The following AFAP1 variants were observed in gnomAD, a reference collection of about 807,000 sequenced individuals.
AFAP1 encodes actin filament associated protein 1.
In AFAP1, 75 loss-of-function variants were observed where a neutral mutation model predicts 93.9. The ratio of observed to expected loss-of-function variants is 0.80; its 90% confidence interval spans 0.66 to 0.97. AFAP1 has a LOEUF of 0.97. Among genes scored for constraint, AFAP1 ranks in the 50% least tolerant of loss-of-function variants. The probability of loss-of-function intolerance (pLI) is 0.00; values close to 1 mark genes in which losing one functional copy is unlikely to be tolerated. For missense variants in AFAP1, 1,201 were observed against 1,050.8 expected (o/e 1.14, Z -1.98); for synonymous variants, 517 against 430.7 (o/e 1.20, Z -2.48).
At chr4:7,800,007 A>G (rs1718869663) in intron 10 of AFAP1, among the ~76,000 whole-genome samples, 1 of 152,216 alleles carries the variant, frequency 6.6e-6, no homozygotes, top group South Asian at 2.1e-4. Context: ...AAAGAAGTCC[A>G]GAACATTCCA....
At chr4:7,872,663 C>T (rs555246352) in intron 1 of AFAP1, among the ~76,000 whole-genome samples, 1 of 152,284 alleles carries the variant, frequency 6.6e-6, no homozygotes, top group Non-Finnish European at 1.5e-5. Context: ...CTGATATCCA[C>T]AAGACTGGAA....
chr4:7,909,328 G>C (rs1719601236), intron 1 of AFAP1, among the ~76,000 whole-genome samples: 1 of 152,190 alleles, frequency 6.6e-6, no homozygotes, highest in African/African-American at 2.4e-5. Context: ...AACCCAGGCA[G>C]CCTGACTCCA....
intron 5 of AFAP1, among the ~76,000 whole-genome samples, chr4:7,840,893 A>G (rs1712927013): frequency 2.0e-5 from 3 of 152,232 alleles, no homozygotes; most frequent in South Asian, 4.1e-4. Flanking sequence ...AACTGTACAT[A>G]TTTATGGGGT....
chr4:7,871,270 G>A (rs1162346769), intron 2 of AFAP1, among the ~76,000 whole-genome samples: 1 of 152,220 alleles, frequency 6.6e-6, no homozygotes, highest in Non-Finnish European at 1.5e-5. Context: ...TGGGAACGTG[G>A]ATTTCAGAAG....
At chr4:7,807,192 C>T (rs1263447124) in intron 9 of AFAP1, among the ~76,000 whole-genome samples, 5 of 120,980 alleles carry the variant, frequency 4.1e-5, no homozygotes, top group Admixed American at 3.1e-4. Context: ...CCTCCACTGA[C>T]CTGGAGCATT....
chr4:7,877,490 CAT>C (rs749569630), intron 1 of AFAP1, among the ~76,000 whole-genome samples: 40 of 152,234 alleles, frequency 2.6e-4, no homozygotes, highest in Admixed American at 1.6e-3. Flanking sequence ...TATATGAACT[CAT>C]GTGCTCTTCA....
rs547553867 is a variant in AFAP1 at position 7,771,967 on chromosome 4, C to T, written c.2253+853G>A. Among the ~76,000 whole-genome samples the T allele has an allele frequency of 2.5e-4, 38 of 152,276 alleles. No individual in the cohort carries two copies. The South Asian group carries it at 7.7e-3, about 31-fold the overall frequency. On this transcript the variant is annotated intron_variant, in intron 16 of 17. Coordinates refer to ENST00000420658, the MANE Select transcript of AFAP1 (RefSeq NM_001134647.2). ...GCAAGTGACTGAAACTCAGGGCTGC[C>T]GTCAACCCATAAATGTGTCAATCTT...
At chr4:7,893,707 T>C (rs1207665690) in intron 1 of AFAP1, among the ~76,000 whole-genome samples, 2 of 151,354 alleles carry the variant, frequency 1.3e-5, no homozygotes, top group Non-Finnish European at 2.9e-5. Context: ...CCACCGGGGG[T>C]TCTTGTTAAA....
intron 10 of AFAP1, chr4:7,798,945 T>G: frequency 1.0e-6 from 1 of 987,028 alleles, no homozygotes; most frequent in South Asian, 4.7e-5. Flanking sequence ...TTCTCAGATC[T>G]GCTGTCAGAG....
chr4:7,845,818 G>A (rs554744110), intron 4 of AFAP1, among the ~76,000 whole-genome samples: 3 of 152,262 alleles, frequency 2.0e-5, no homozygotes, highest in Non-Finnish European at 4.4e-5. Flanking sequence ...CATGTCAACT[G>A]GATACCGGGG....
intron 4 of AFAP1, among the ~76,000 whole-genome samples, chr4:7,853,470 C>G (rs1057436832): frequency 1.3e-5 from 2 of 152,114 alleles, no homozygotes; most frequent in African/African-American, 4.8e-5. Flanking sequence ...GTCACCTGTG[C>G]CATCAGGAGA....
At chr4:7,849,447 T>C (rs1018413728) in intron 4 of AFAP1, among the ~76,000 whole-genome samples, 1 of 152,244 alleles carries the variant, frequency 6.6e-6, no homozygotes, top group Admixed American at 6.5e-5. Context: ...TAAGTGTTTA[T>C]TGAGCACATA....
At chr4:7,937,435 G>A (rs1721452172) in intron 1 of AFAP1, among the ~76,000 whole-genome samples, 1 of 152,214 alleles carries the variant, frequency 6.6e-6, no homozygotes, top group Non-Finnish European at 1.5e-5. Flanking sequence ...ATGAAGCCCA[G>A]AAGAGAAGGC....
At chr4:7,815,501 A>G (rs1409106753) in intron 8 of AFAP1, among the ~76,000 whole-genome samples, 1 of 152,240 alleles carries the variant, frequency 6.6e-6, no homozygotes, top group Admixed American at 6.5e-5. Context: ...TAAGAACCTC[A>G]GAAATCGGCA....
At chr4:7,925,829 G>C (rs1200093469) in intron 1 of AFAP1, among the ~76,000 whole-genome samples, 2 of 140,222 alleles carry the variant, frequency 1.4e-5, no homozygotes, top group African/African-American at 2.7e-5. Flanking sequence ...TAGGCAATAA[G>C]AGCGAAACTC....
In AFAP1 at chr4:7,939,309, G is replaced by A. The variant is rs1350707178; in HGVS notation, c.-3+347C>T. The A allele has an allele frequency of 6.4e-6, 2 of 310,474 alleles. No individual in the cohort carries two copies. Among genetic ancestry groups the A allele is most frequent in the Non-Finnish European group, 1.3e-5 (2 of 156,342 alleles). 19.2% of individuals were successfully genotyped at this position (310,474 alleles called of 1,614,324 possible). A position where few individuals can be genotyped will look rare whatever the true frequency, so the allele number is the denominator to read the frequency against. On this transcript the variant is annotated intron_variant, in intron 1 of 17. Coordinates refer to ENST00000420658, the MANE Select transcript of AFAP1 (RefSeq NM_001134647.2). The surrounding 1 kb of genome is among the most constrained non-coding windows in gnomAD (Gnocchi z 5.6). Reference sequence around the variant, plus strand: ...TCCCACTCTTGGTGACCCGGACCCCGCCCCACGAGTGGGTCTTCGCAGGGC... The same window carrying A: ...TCCCACTCTTGGTGACCCGGACCCCACCCCACGAGTGGGTCTTCGCAGGGC...
At chr4:7,895,256 C>T (rs1350510995) in intron 1 of AFAP1, among the ~76,000 whole-genome samples, 2 of 152,194 alleles carry the variant, frequency 1.3e-5, no homozygotes, top group East Asian at 1.9e-4. Context: ...CCTCTAAAAA[C>T]GAGGATCATC....
At position 7,876,960 on chromosome 4, in the gene AFAP1, C is replaced by T. The variant is rs189158583; in HGVS notation, c.-2-4880G>A. Among the ~76,000 whole-genome samples the T allele has an allele frequency of 2.7e-4, 41 of 152,324 alleles. 2 individuals carry two copies. The South Asian group carries it at 4.6e-3, about 17-fold the overall frequency. On this transcript the variant is annotated intron_variant, in intron 1 of 17. Coordinates refer to ENST00000420658, the MANE Select transcript of AFAP1 (RefSeq NM_001134647.2). ...TTTCCAAATACTTAATACTCATCCC[C>T]TCTTTCTTCCAGCCTTCCAGCCTTC...
At chr4:7,800,687 C>A in intron 9 of AFAP1, 34 bp from the exon 10 acceptor site, 1 of 1,611,350 alleles carries the variant, frequency 6.2e-7, no homozygotes, top group South Asian at 1.1e-5. Flanking sequence ...TCAGCCGCCT[C>A]GGACAAGACC....
Sources: gnomAD v4.1 joint callset for allele counts (sites outside exome capture counted in the v4.1 genomes callset) on GRCh38, gnomAD v4.1.1 for gene constraint, Gnocchi (gnomAD v3.1) non-coding constraint, MANE v1.5 for transcripts, NCBI Gene and HGNC (gene_info 2026-07-23, HGNC 2026-07-21) for gene names.